The following NCOA3 variants were observed in gnomAD, a reference collection of about 807,000 sequenced individuals.
NCOA3 encodes the protein nuclear receptor coactivator 3.
NCOA3 carries 51 observed loss-of-function variants against 158.8 expected under a neutral mutation model. The ratio of observed to expected loss-of-function variants is 0.32; its 90% confidence interval spans 0.26 to 0.41. The LOEUF (loss-of-function observed/expected upper bound fraction) is 0.41, where lower values mean the gene tolerates loss of function less well. NCOA3 is among the 10% of genes least tolerant of loss of function. NCOA3 has a pLI of 1.00. For missense variants in NCOA3, 1,510 were observed against 1,746.6 expected (o/e 0.86, Z 2.41); for synonymous variants, 537 against 592.4 (o/e 0.91, Z 1.36).
intron 3 of NCOA3, chr20:47,623,091 T>C (rs1240520485): frequency 6.6e-6 from 1 of 152,134 alleles, no homozygotes; most frequent in Non-Finnish European, 1.5e-5. Flanking sequence ...GTTGCATCCT[T>C]TTTTTTACCA....
chr20:47,569,113 C>A (rs1192257589), intron 1 of NCOA3, among the ~76,000 whole-genome samples: 1 of 151,940 alleles, frequency 6.6e-6, no homozygotes, highest in Non-Finnish European at 1.5e-5. Context: ...CCCAGGAGTT[C>A]AAGACCAGGA....
In NCOA3 at chr20:47,636,565, C is replaced by G. The variant is rs754041800; in HGVS notation, c.2179C>G (p.Leu727Val). The change falls in exon 12 of 23, where the codon CTA becomes GTA. Residue 727 changes from leucine (L) to valine (V), a missense_variant. Coordinates refer to ENST00000371998, the MANE Select transcript of NCOA3 (RefSeq NM_181659.3). ...GDGNVVKQEQLSPKKKENNAL... is the reference protein window; with the variant it reads ...GDGNVVKQEQVSPKKKENNAL... ...CGGAAATGTTGTCAAGCAGGAGCAG[C>G]TAAGTCCTAAGAAGAAGGAGAATAA... is the stretch of plus-strand genomic sequence containing the variant. 1.3e-5 allele frequency: 21 copies of G among 1,614,034 alleles called. No individual in the cohort carries two copies. The South Asian group carries it at 2.3e-4, about 18-fold the overall frequency.
chr20:47,600,683 G>A (rs2085846398), intron 2 of NCOA3, among the ~76,000 whole-genome samples: 1 of 150,708 alleles, frequency 6.6e-6, no homozygotes, highest in Non-Finnish European at 1.5e-5. Flanking sequence ...CCCAGCTAAC[G>A]TTTTGTATTT....
At position 47,636,480 on chromosome 20, in the gene NCOA3, A is replaced by G. The variant is rs1389003151; in HGVS notation, c.2094A>G (p.Val698=). Residue 698 remains valine, a synonymous_variant, in exon 12 of 23, where the codon GTA becomes GTG. Transcript: ENST00000371998. ...LLQNGNSPAE[V]AKITAEATGK... Reference sequence around the variant, plus strand: ...AGAATGGGAATTCACCAGCTGAGGTAGCCAAGATTACTGCAGAAGCCACTG... The same window carrying G: ...AGAATGGGAATTCACCAGCTGAGGTGGCCAAGATTACTGCAGAAGCCACTG... 3.1e-6 allele frequency: 5 copies of G among 1,614,062 alleles called. No homozygotes were observed. In the African/African-American group the frequency reaches 4.0e-5, roughly 13 times the overall value.
intron 8 of NCOA3, among the ~76,000 whole-genome samples, chr20:47,629,990 A>G (rs1399577424): frequency 5.9e-5 from 9 of 152,242 alleles, no homozygotes; most frequent in Admixed American, 5.9e-4. Flanking sequence ...TGTGATTAAC[A>G]TCATTTAAAA....
At position 47,656,457 on chromosome 20, in the gene NCOA3, G is replaced by A. The variant is rs1483510002; in HGVS notation, c.*3040G>A. On this transcript the variant is annotated 3_prime_UTR_variant, in exon 23 of 23. Transcript: ENST00000371998. ...AGGTGGGTGCAGCTGAAAGTAAACA[G>A]AATGGATTGCCAGTTACATGTATGC... The A allele has an allele frequency of 6.6e-6, 1 of 152,220 alleles. No individual in the cohort carries two copies. The highest frequency in any genetic ancestry group is 1.9e-4 in the East Asian group (1 of 5,202). The allele number at this position is 152,220 out of a possible 1,614,324, so 9.4% of individuals were successfully genotyped here.
intron 2 of NCOA3, among the ~76,000 whole-genome samples, chr20:47,588,482 G>A (rs1254522852): frequency 6.6e-6 from 1 of 152,002 alleles, no homozygotes; most frequent in African/African-American, 2.4e-5. Flanking sequence ...AAACTAGTTA[G>A]GGTATTCATT....
At chr20:47,537,731 C>A (rs971721574) in intron 1 of NCOA3, among the ~76,000 whole-genome samples, 3 of 152,036 alleles carry the variant, frequency 2.0e-5, no homozygotes, top group African/African-American at 7.3e-5. Flanking sequence ...AGGTCCTTGT[C>A]ACCACACCCG....
intron 2 of NCOA3, among the ~76,000 whole-genome samples, chr20:47,615,501 A>G (rs1372511476): frequency 6.6e-6 from 1 of 152,216 alleles, no homozygotes; most frequent in African/African-American, 2.4e-5. Flanking sequence ...AATCCCAAAT[A>G]ACCAAAAGGA....
intron 2 of NCOA3, among the ~76,000 whole-genome samples, chr20:47,590,774 G>A (rs2085618945): frequency 6.6e-6 from 1 of 151,874 alleles, no homozygotes; most frequent in South Asian, 2.1e-4. Flanking sequence ...TCGCACCATC[G>A]CACCCCATCC....
intron 8 of NCOA3, among the ~76,000 whole-genome samples, chr20:47,629,600 G>A (rs1335761151): frequency 6.6e-6 from 1 of 152,088 alleles, no homozygotes. Flanking sequence ...CAAAGTGTTG[G>A]GATTACAGGC....
At chr20:47,520,353 G>C (rs2084308941) in intron 1 of NCOA3, among the ~76,000 whole-genome samples, 2 of 152,028 alleles carry the variant, frequency 1.3e-5, no homozygotes, top group African/African-American at 4.8e-5. Flanking sequence ...TTCCTCTGCT[G>C]GTCTTTCCCT....
chr20:47,537,327 G>A (rs1050276281), intron 1 of NCOA3, among the ~76,000 whole-genome samples: 4 of 149,944 alleles, frequency 2.7e-5, no homozygotes, highest in African/African-American at 7.4e-5. Flanking sequence ...AGTAAATTGA[G>A]TGTAATTTAC....
At chr20:47,590,176 T>C (rs1304356424) in intron 2 of NCOA3, among the ~76,000 whole-genome samples, 2 of 152,212 alleles carry the variant, frequency 1.3e-5, no homozygotes, top group Non-Finnish European at 2.9e-5. Flanking sequence ...TATATCATTA[T>C]ATTGTTCTTA....
rs527279136 is a variant in NCOA3, at chr20:47,635,007, C to T, written c.1113-315C>T. On this transcript the variant is annotated intron_variant, in intron 10 of 22. Transcript: ENST00000371998. ...GCAGTAGTGCCATCACAGCTCACTG[C>T]AACCTCGAACTCCTGGGCTCAGGCG... is the stretch of plus-strand genomic sequence containing the variant. 2.0e-5 allele frequency among the ~76,000 whole-genome samples: 3 copies of T among 149,822 alleles called. No individual in the cohort carries two copies. In the Admixed American group the frequency reaches 2.0e-4, roughly 10 times the overall value.
intron 1 of NCOA3, among the ~76,000 whole-genome samples, chr20:47,520,948 A>G (rs957788951): frequency 1.3e-5 from 2 of 152,144 alleles, no homozygotes; most frequent in Non-Finnish European, 2.9e-5. Context: ...AGGACTTGTC[A>G]TCATCTACAC....
chr20:47,514,713 C>CTTTTT (rs143888226), intron 1 of NCOA3, among the ~76,000 whole-genome samples: 16 of 104,998 alleles, frequency 1.5e-4, no homozygotes, highest in Non-Finnish European at 1.9e-4. Context: ...TTGTTTTTTG[C>CTTTTT]TTTTTTTTTT....
chr20:47,634,027 A>G (rs1316361489), intron 9 of NCOA3, 21 bp from the exon 10 acceptor site: 1 of 1,613,736 alleles, frequency 6.2e-7, no homozygotes, highest in Non-Finnish European at 8.5e-7. Flanking sequence ...GTTACCAGTG[A>G]TGGGATATTT....
chr20:47,612,835 AC>A (rs1306522061), intron 2 of NCOA3, among the ~76,000 whole-genome samples: 6 of 152,066 alleles, frequency 3.9e-5, no homozygotes, highest in African/African-American at 1.4e-4. Context: ...GGCTCCCTTA[AC>A]TCCCTCTGTA....
Sources: gnomAD v4.1 joint callset for allele counts (sites outside exome capture counted in the v4.1 genomes callset) on GRCh38, gnomAD v4.1.1 for gene constraint, MANE v1.5 for transcripts, NCBI Gene and HGNC (gene_info 2026-07-23, HGNC 2026-07-21) for gene names.